Variants in MYNN observed in about 807,000 individuals in gnomAD.
The protein encoded by MYNN is zinc finger and BTB domain-containing protein 31.
In MYNN, 22 loss-of-function variants were observed where a neutral mutation model predicts 57.2. That is an observed-to-expected ratio of 0.38 (90% CI 0.27 to 0.55). MYNN has a LOEUF of 0.55. Among genes scored for constraint, MYNN ranks in the 20% least tolerant of loss-of-function variants. The pLI, the probability that MYNN is intolerant of heterozygous loss-of-function variation, is 0.71. For synonymous variants in MYNN, 241 were observed against 257.1 expected (o/e 0.94, Z 0.60); for missense variants, 566 against 723.1 (o/e 0.78, Z 2.49).
At chr3:169,777,343 CTA>C (rs1778377806) in intron 2 of MYNN, 1 of 152,062 alleles carries the variant, frequency 6.6e-6, no homozygotes, top group Non-Finnish European at 1.5e-5. Context: ...ATCACCAGCA[CTA>C]TATTTACATT....
At chr3:169,784,905 TCTTA>T (rs997158255) in intron 7 of MYNN, among the ~76,000 whole-genome samples, 197 bp downstream of exon 7, 3 of 138,056 alleles carry the variant, frequency 2.2e-5, no homozygotes, top group African/African-American at 8.2e-5. Flanking sequence ...ATATTGAATC[TCTTA>T]TTTAAAAAAA....
chr3:169,785,090 T>TC (rs1242515153), intron 7 of MYNN, among the ~76,000 whole-genome samples: 4 of 148,488 alleles, frequency 2.7e-5, no homozygotes, highest in Non-Finnish European at 6.0e-5. Context: ...GGTGGTGTTA[T>TC]CATGAACACT....
rs771963538 is a variant in MYNN at position 169,780,710 on chromosome 3, T to TA, written c.1182dup (p.Gln395ThrfsTer6). 4 of 1,605,982 alleles carry TA rather than the reference T, an allele frequency of 2.5e-6. No individual in the cohort carries two copies. ...CCCTATAAATGTGATGTATGCAACT[T>TA]ACAGTTTGCAACTTCTAGCAATCTC... is the stretch of plus-strand genomic sequence containing the variant. On this transcript the variant is annotated frameshift_variant, in exon 4 of 8. Coordinates refer to ENST00000349841, the MANE Select transcript of MYNN (RefSeq NM_018657.5). LOFTEE classifies it high-confidence loss of function.
chr3:169,776,938 G>A (rs989353851), intron 2 of MYNN, among the ~76,000 whole-genome samples: 1 of 152,122 alleles, frequency 6.6e-6, no homozygotes, highest in Non-Finnish European at 1.5e-5. Flanking sequence ...CTGACCTCAG[G>A]TGATGCGCCC....
chr3:169,782,699 G>T lies in MYNN; in HGVS notation c.1399+56G>T. 1.4e-6 allele frequency: 2 copies of T among 1,457,094 alleles called. No individual in the cohort carries two copies. Among genetic ancestry groups the T allele is most frequent in the Non-Finnish European group, 1.9e-6 (2 of 1,074,056 alleles). The allele number at this position is 1,457,094 out of a possible 1,614,324, so 90.3% of individuals were successfully genotyped here. A position where few individuals can be genotyped will look rare whatever the true frequency, so the allele number is the denominator to read the frequency against. ...TAAAGTTATAAATAAAAGAAAAAGG[G>T]GACTTGGGCCTTTTAGCGAAGTAGA... On this transcript the variant is annotated intron_variant, in intron 5 of 7. Transcript: ENST00000349841. This position sits in a 1 kb window ranked among gnomAD's most constrained non-coding sequence, Gnocchi z 4.8.
At position 169,782,445 on chromosome 3, in the gene MYNN, T is replaced by C. The variant is rs570098698; in HGVS notation, c.1221-20T>C. ...CTGACCTCCAAATTGTTTTACTTAT[T>C]TAACTTTATTTACTAACAGGAAGCA... On this transcript the variant is annotated intron_variant, in intron 4 of 7. Coordinates refer to ENST00000349841, the MANE Select transcript of MYNN (RefSeq NM_018657.5). This position sits in a 1 kb window ranked among gnomAD's most constrained non-coding sequence, Gnocchi z 4.8. 5 of 1,589,092 alleles carry C rather than the reference T, an allele frequency of 3.1e-6. No individual in the cohort carries two copies. In the South Asian group the frequency reaches 5.7e-5, roughly 18 times the overall value.
Position 169,778,932 on chromosome 3 carries a change from T to A in MYNN, c.431T>A (p.Leu144His). Residue 144 changes from leucine (L) to histidine (H), a missense_variant, in exon 3 of 8, where the codon CTT becomes CAT. Leu to His is a moderately conservative substitution (Grantham distance 99, BLOSUM62 -3). This residue lies in a region of MYNN where 261 missense variants were observed against 280.8 expected (regional missense o/e 0.93). Transcript: ENST00000349841. ...GNIELNQQTCLLTLRDYNNRE... is the reference protein window; with the variant it reads ...GNIELNQQTCHLTLRDYNNRE... ...ATTGAATTGAATCAACAGACTTGTC[T>A]TCTTACTCTGCGAGATTATAATAAT... is the stretch of plus-strand genomic sequence containing the variant. 6.2e-7 allele frequency: 1 copy of A among 1,614,050 alleles called. No homozygotes were observed. The highest frequency in any genetic ancestry group is 8.5e-7 in the Non-Finnish European group (1 of 1,180,022).
chr3:169,783,765 G>A (rs1778589897), intron 6 of MYNN: 1 of 626,590 alleles, frequency 1.6e-6, no homozygotes, highest in African/African-American at 1.8e-5. Flanking sequence ...TTAAAGAATT[G>A]TGTTGGTTTT....
At position 169,779,097 on chromosome 3, in the gene MYNN, A is replaced by G. The variant is rs751623996; in HGVS notation, c.596A>G (p.Tyr199Cys). Residue 199 changes from tyrosine to cysteine, a missense_variant, in exon 3 of 8, where the codon TAT becomes TGT. Tyr to Cys is a radical substitution (Grantham distance 194). This residue lies in a region of MYNN where 261 missense variants were observed against 280.8 expected (regional missense o/e 0.93). Transcript: ENST00000349841. ...PKTGQNKTVQ[Y>C]PSDILENASV... is the part of the protein sequence containing the mutation. ...ACAGGGCAGAATAAAACAGTGCAAT[A>G]TCCCAGTGACATCTTAGAGAATGCA... 3.7e-6 allele frequency: 6 copies of G among 1,614,198 alleles called. No homozygotes were observed. Among genetic ancestry groups the G allele is most frequent in the Non-Finnish European group, 4.2e-6 (5 of 1,180,026 alleles).
intron 6 of MYNN, chr3:169,783,941 C>A: frequency 7.7e-6 from 2 of 258,420 alleles, no homozygotes; most frequent in South Asian, 3.8e-5. Context: ...TTTTGACATG[C>A]TTATTGTAAA....
rs373083056 is a variant in MYNN at position 169,786,568 on chromosome 3, A to G, written c.1723A>G (p.Met575Val). 4.3e-6 allele frequency: 7 copies of G among 1,613,684 alleles called. No homozygotes were observed. In the South Asian group the frequency reaches 5.5e-5, roughly 13 times the overall value. ...TCCACTTGGGACTGAGGACCATCAC[A>G]TGCTTCTGCCTGTCACGGATACTCA... ...ALPLGTEDHH[M>V]LLPVTDTQSP... The change falls in exon 8 of 8, where the codon ATG (methionine) becomes GTG (valine). Residue 575 changes from methionine to valine, a missense_variant. Coordinates refer to ENST00000349841, the MANE Select transcript of MYNN (RefSeq NM_018657.5).
chr3:169,776,694 A>ATTTTTTTT lies in MYNN; in HGVS notation c.267-2054_267-2047dup, dbSNP rs10681957. Among the ~76,000 whole-genome samples the ATTTTTTTT allele has an allele frequency of 6.6e-5, 7 of 105,666 alleles. 1 individual carries two copies. The highest frequency in any genetic ancestry group is 1.1e-4 in the African/African-American group (3 of 26,508). 69.3% of individuals were successfully genotyped at this position (105,666 alleles called of 152,430 possible). A position where few individuals can be genotyped will look rare whatever the true frequency, so the allele number is the denominator to read the frequency against. On this transcript the variant is annotated intron_variant, in intron 2 of 7. Transcript: ENST00000349841. ...GAATTACCATTTCAATGTTGAACAA[A>ATTTTTTTT]TTTTTTTTTTTTTTTTTTTTTTTTT...
intron 3 of MYNN, chr3:169,780,327 G>A (rs931526752): frequency 3.9e-6 from 1 of 256,466 alleles, no homozygotes; most frequent in African/African-American, 2.2e-5. Flanking sequence ...CAAAGTGCTG[G>A]GATTATAGGC....
intron 3 of MYNN, 130 bp from the exon 4 acceptor site, chr3:169,780,457 GATT>G: frequency 5.1e-6 from 3 of 591,558 alleles, no homozygotes; most frequent in Non-Finnish European, 8.3e-6. Flanking sequence ...GTCTGGAAAA[GATT>G]ATATTTGTTT....
rs760157000 is a variant in MYNN, at chr3:169,779,147, A to G, written c.646A>G (p.Asn216Asp). The change falls in exon 3 of 8, where the codon AAT becomes GAT. Residue 216 changes from asparagine to aspartate, a missense_variant. Transcript: ENST00000349841. ...NASVELFLDA[N>D]KLPTPVVEQV... ...ATCTGTTGAATTATTCCTAGATGCA[A>G]ATAAACTGCCCACACCTGTAGTAGA... The G allele has an allele frequency of 6.2e-6, 10 of 1,614,106 alleles. No individual in the cohort carries two copies. The highest frequency in any genetic ancestry group is 2.2e-5 in the East Asian group (1 of 44,900).
chr3:169,777,234 A>G (rs1577394307), intron 2 of MYNN: 1 of 152,210 alleles, frequency 6.6e-6, no homozygotes, highest in Non-Finnish European at 1.5e-5. Context: ...GAACATGGGT[A>G]GAGATTTGTA....
chr3:169,778,586 T>C, intron 2 of MYNN, 182 bp from the exon 3 acceptor site: 2 of 502,054 alleles, frequency 4.0e-6, no homozygotes, highest in Non-Finnish European at 6.9e-6. Flanking sequence ...TTCTGTAAAA[T>C]TGGAGATTTT....
In MYNN at chr3:169,786,832, A is replaced by AT; in HGVS notation, c.*155dup. ...CACCTGATGCTGCATCACAACTGCA[A>AT]TGTTTGTTTTTATTTTTGGCTTTAT... On this transcript the variant is annotated 3_prime_UTR_variant, in exon 8 of 8. Transcript: ENST00000349841. The AT allele has an allele frequency of 1.4e-6, 1 of 732,874 alleles. No homozygotes were observed. Among genetic ancestry groups the AT allele is most frequent in the South Asian group, 2.0e-5 (1 of 50,692 alleles). The allele number at this position is 732,874 out of a possible 1,614,324, so 45.4% of individuals were successfully genotyped here. A position where few individuals can be genotyped will look rare whatever the true frequency, so the allele number is the denominator to read the frequency against.
Position 169,786,834 on chromosome 3 carries a change from G to A in MYNN, c.*156G>A, listed in dbSNP as rs1358298022. ...CCTGATGCTGCATCACAACTGCAAT[G>A]TTTGTTTTTATTTTTGGCTTTATGT... On this transcript the variant is annotated 3_prime_UTR_variant, in exon 8 of 8. Transcript: ENST00000349841. 1 of 726,698 alleles carries A rather than the reference G, an allele frequency of 1.4e-6. No homozygotes were observed. Among genetic ancestry groups the A allele is most frequent in the Non-Finnish European group, 2.2e-6 (1 of 455,338 alleles). The allele number at this position is 726,698 out of a possible 1,614,324, so 45.0% of individuals were successfully genotyped here. A position where few individuals can be genotyped will look rare whatever the true frequency, so the allele number is the denominator to read the frequency against.
Sources: allele counts gnomAD v4.1 joint callset (sites outside exome capture counted in the v4.1 genomes callset), GRCh38; gene constraint gnomAD v4.1.1; regional missense constraint gnomAD v4.1.1; non-coding constraint Gnocchi (gnomAD v3.1); transcripts MANE v1.5; gene names NCBI Gene and HGNC (gene_info 2026-07-23, HGNC 2026-07-21).